The following ZSWIM9 variants were observed in gnomAD, a reference collection of about 807,000 sequenced individuals.
ZSWIM9 encodes the protein uncharacterized protein ZSWIM9.
ZSWIM9 carries 11 observed loss-of-function variants against 25.0 expected under a neutral mutation model. The observed-to-expected ratio is 0.44, with a 90% CI of 0.28 to 0.73. ZSWIM9 has a LOEUF of 0.73. Ranked by LOEUF, ZSWIM9 falls within the 30% of genes least tolerant of loss-of-function variation. The pLI, the probability that ZSWIM9 is intolerant of heterozygous loss-of-function variation, is 0.16. For synonymous variants in ZSWIM9, 562 were observed against 582.1 expected (o/e 0.97, Z 0.50); for missense variants, 1,070 against 1,296.5 (o/e 0.83, Z 2.68).
chr19:48,192,972 A>C (rs960173449), intron 3 of ZSWIM9: 1 of 155,132 alleles, frequency 6.4e-6, no homozygotes, highest in Non-Finnish European at 1.5e-5. Flanking sequence ...TCTCCCAGCA[A>C]TGACATGTGA....
chr19:48,179,320 C>T (rs531091813), intron 2 of ZSWIM9, among the ~76,000 whole-genome samples: 11 of 152,090 alleles, frequency 7.2e-5, no homozygotes, highest in Admixed American at 3.3e-4. Context: ...TGCCACAATG[C>T]CTGACTACTT....
rs539603749 is a variant in ZSWIM9 at position 48,172,218 on chromosome 19, A to G, written c.275+141A>G. 5.6e-4 allele frequency: 410 copies of G among 731,290 alleles called. 2 individuals are homozygous for G. Among genetic ancestry groups the G allele is most frequent in the Non-Finnish European group, 7.9e-4 (362 of 455,502 alleles). 45.3% of individuals were successfully genotyped at this position (731,290 alleles called of 1,614,324 possible). A position where few individuals can be genotyped will look rare whatever the true frequency, so the allele number is the denominator to read the frequency against. On this transcript the variant is annotated intron_variant, in intron 2 of 3. Coordinates refer to ENST00000614654, the MANE Select transcript of ZSWIM9 (RefSeq NM_199341.4). ...TGAGGCAGCCAAATACACCTTGCAG[A>G]GAGGCGGGAGTCAAGGAGGGACATG...
rs2036957568 is a variant in ZSWIM9 at position 48,182,430 on chromosome 19, A to G, written c.276-25A>G. On this transcript the variant is annotated intron_variant, in intron 2 of 3. Transcript: ENST00000614654. This position sits in a 1 kb window ranked among gnomAD's most constrained non-coding sequence, Gnocchi z 4.6. Reference sequence around the variant, plus strand: ...AAGAGGGCAGCAGAGTGATGTGACCAGGGCGGTGGTGGTTCCTCCCACAGG... The same window carrying G: ...AAGAGGGCAGCAGAGTGATGTGACCGGGGCGGTGGTGGTTCCTCCCACAGG... 1 of 1,513,664 alleles carries G rather than the reference A, an allele frequency of 6.6e-7. No individual in the cohort carries two copies. The highest frequency in any genetic ancestry group is 8.8e-7 in the Non-Finnish European group (1 of 1,132,094). The allele number at this position is 1,513,664 out of a possible 1,614,324, so 93.8% of individuals were successfully genotyped here. A position where few individuals can be genotyped will look rare whatever the true frequency, so the allele number is the denominator to read the frequency against.
Position 48,197,446 on chromosome 19 carries a change from C to A in ZSWIM9, c.*619C>A, listed in dbSNP as rs73576194. 1.9e-3 allele frequency: 1,178 copies of A among 606,448 alleles called. 13 individuals carry two copies. Among genetic ancestry groups the A allele is most frequent in the African/African-American group, 0.019 (1,023 of 53,948 alleles). The allele number at this position is 606,448 out of a possible 1,614,324, so 37.6% of individuals were successfully genotyped here. On this transcript the variant is annotated 3_prime_UTR_variant, in exon 4 of 4. Transcript: ENST00000614654. ...GAAATGTGTGGGAGACGGGTAGAGA[C>A]GAAATGCAAGGGGCGTGGTTTTGGT...
chr19:48,178,867 C>T (rs761280723), intron 2 of ZSWIM9, among the ~76,000 whole-genome samples: 1 of 152,184 alleles, frequency 6.6e-6, no homozygotes, highest in Non-Finnish European at 1.5e-5. Context: ...AGCCACCACG[C>T]CCAGCCTGTA....
chr19:48,197,329 A>G lies in ZSWIM9; in HGVS notation c.*502A>G, dbSNP rs1475960605. 2.9e-6 allele frequency: 2 copies of G among 701,240 alleles called. No individual in the cohort carries two copies. Among genetic ancestry groups the G allele is most frequent in the Admixed American group, 2.0e-5 (1 of 49,866 alleles). The allele number at this position is 701,240 out of a possible 1,614,324, so 43.4% of individuals were successfully genotyped here. A position where few individuals can be genotyped will look rare whatever the true frequency, so the allele number is the denominator to read the frequency against. On this transcript the variant is annotated 3_prime_UTR_variant, in exon 4 of 4. Transcript: ENST00000614654. ...TGGAGGAGAGAGGACAAGCAAAGAG[A>G]CAGAAATGAAGACATGAGGAAAAGC...
Position 48,196,983 on chromosome 19 carries a change from G to A in ZSWIM9, c.*156G>A. The A allele has an allele frequency of 1.4e-6, 1 of 704,300 alleles. No homozygotes were observed. Among genetic ancestry groups the A allele is most frequent in the Non-Finnish European group, 2.1e-6 (1 of 478,854 alleles). The allele number at this position is 704,300 out of a possible 1,614,324, so 43.6% of individuals were successfully genotyped here. On this transcript the variant is annotated 3_prime_UTR_variant, in exon 4 of 4. Coordinates refer to ENST00000614654, the MANE Select transcript of ZSWIM9 (RefSeq NM_199341.4). The stretch of plus-strand genomic sequence containing the variant: ...CTCCTCATGGCAGTTTGCCTCTCTG[G>A]GTCCAAGGGCAAGCTGTAAGTGGTC...
At position 48,195,644 on chromosome 19, in the gene ZSWIM9, G is replaced by T; in HGVS notation, c.1580G>T (p.Arg527Leu). The T allele has an allele frequency of 7.0e-7, 1 of 1,422,398 alleles. No homozygotes were observed. The highest frequency in any genetic ancestry group is 9.1e-7 in the Non-Finnish European group (1 of 1,094,954). 88.1% of individuals were successfully genotyped at this position (1,422,398 alleles called of 1,614,324 possible). Residue 527 changes from arginine (R) to leucine (L), a missense_variant, in exon 4 of 4, where the codon CGG (arginine) becomes CTG (leucine). Arg to Leu is a moderately radical substitution (Grantham distance 102). This residue lies in a region of ZSWIM9 where 583 missense variants were observed against 624.7 expected (regional missense o/e 0.93). Transcript: ENST00000614654. This position sits in a 1 kb window ranked among gnomAD's most constrained non-coding sequence, Gnocchi z 5.8. ...ALQIRDWRGGRLENQKPRGLE... is the reference protein window; with the variant it reads ...ALQIRDWRGGLLENQKPRGLE... ...CAGATCAGAGATTGGAGAGGGGGTCGGTTGGAGAATCAGAAGCCGAGGGGA... is the reference window on the plus strand; with the variant it reads ...CAGATCAGAGATTGGAGAGGGGGTCTGTTGGAGAATCAGAAGCCGAGGGGA...
chr19:48,194,796 G>T lies in ZSWIM9; in HGVS notation c.732G>T (p.Leu244=), dbSNP rs973855998. 6.5e-7 allele frequency: 1 copy of T among 1,530,612 alleles called. No homozygotes were observed. The highest frequency in any genetic ancestry group is 1.4e-5 in the African/African-American group (1 of 72,720). The allele number at this position is 1,530,612 out of a possible 1,614,324, so 94.8% of individuals were successfully genotyped here. A position where few individuals can be genotyped will look rare whatever the true frequency, so the allele number is the denominator to read the frequency against. ...LPGLQGALDL[L]AVLCVDGSGR... ...GGCTGCAGGGCGCGCTGGATCTGCTGGCCGTGCTGTGCGTGGACGGCTCGG... is the reference window on the plus strand; with the variant it reads ...GGCTGCAGGGCGCGCTGGATCTGCTTGCCGTGCTGTGCGTGGACGGCTCGG... Residue 244 remains leucine (L), a synonymous_variant, in exon 4 of 4, where the codon CTG becomes CTT. Coordinates refer to ENST00000614654, the MANE Select transcript of ZSWIM9 (RefSeq NM_199341.4). This position sits in a 1 kb window ranked among gnomAD's most constrained non-coding sequence, Gnocchi z 6.0.
intron 2 of ZSWIM9, chr19:48,181,319 AC>A (rs915483142): frequency 1.3e-5 from 2 of 152,182 alleles, no homozygotes; most frequent in African/African-American, 4.8e-5. Flanking sequence ...ATAGAGGTTA[AC>A]TTTGCCTGCT....
In ZSWIM9 at chr19:48,194,909, C is replaced by T; in HGVS notation, c.845C>T (p.Ala282Val). The part of the protein sequence containing the change: ...RFALASLLQS[A>V]PDVKGRVRCL... ...GCGCTCGCGTCGCTGCTGCAGAGCGCGCCAGACGTCAAGGGCCGCGTGCGC... is the reference window on the plus strand; with the variant it reads ...GCGCTCGCGTCGCTGCTGCAGAGCGTGCCAGACGTCAAGGGCCGCGTGCGC... The change falls in exon 4 of 4, where the codon GCG becomes GTG. Residue 282 changes from alanine (A) to valine (V), a missense_variant. Ala to Val is a moderately conservative substitution (Grantham distance 64). Coordinates refer to ENST00000614654, the MANE Select transcript of ZSWIM9 (RefSeq NM_199341.4). The surrounding 1 kb of genome is among the most constrained non-coding windows in gnomAD (Gnocchi z 6.0). 7.6e-7 allele frequency: 1 copy of T among 1,313,792 alleles called. No individual in the cohort carries two copies. Among genetic ancestry groups the T allele is most frequent in the Non-Finnish European group, 9.7e-7 (1 of 1,034,154 alleles). 81.4% of individuals were successfully genotyped at this position (1,313,792 alleles called of 1,614,324 possible).
chr19:48,197,237 G>A lies in ZSWIM9; in HGVS notation c.*410G>A. 2 of 702,530 alleles carry A rather than the reference G, an allele frequency of 2.8e-6. No individual in the cohort carries two copies. Among genetic ancestry groups the A allele is most frequent in the South Asian group, 1.5e-5 (1 of 67,542 alleles). The allele number at this position is 702,530 out of a possible 1,614,324, so 43.5% of individuals were successfully genotyped here. The stretch of plus-strand genomic sequence containing the variant: ...GAGTGCAGCGGGGAGAGGGGAAAGG[G>A]AGAAAGTACAGAAGACAGATGAAGG... On this transcript the variant is annotated 3_prime_UTR_variant, in exon 4 of 4. Transcript: ENST00000614654.
At chr19:48,173,948 G>A (rs1006287720) in intron 2 of ZSWIM9, among the ~76,000 whole-genome samples, 16 of 152,114 alleles carry the variant, frequency 1.1e-4, no homozygotes, top group African/African-American at 3.9e-4. Flanking sequence ...TTTAAACAGG[G>A]GTTGTTCCCC....
intron 3 of ZSWIM9, among the ~76,000 whole-genome samples, chr19:48,188,882 T>G (rs1196468499): frequency 2.0e-5 from 3 of 151,510 alleles, no homozygotes; most frequent in African/African-American, 7.3e-5. Context: ...ATACAAAAAA[T>G]TAGCCAGGTG....
chr19:48,171,408 G>C (rs2036805621), intron 1 of ZSWIM9: 4 of 984,382 alleles, frequency 4.1e-6, no homozygotes, highest in Non-Finnish European at 4.8e-6. Flanking sequence ...GAGAGACACA[G>C]CTGGAAGGGG....
chr19:48,172,132 G>GGT, intron 2 of ZSWIM9, 55 bp downstream of exon 2: 1 of 1,110,892 alleles, frequency 9.0e-7, no homozygotes, highest in Non-Finnish European at 1.3e-6. Context: ...CCGGGGGTGG[G>GGT]TGTGGGTGGG....
chr19:48,196,251 G>A lies in ZSWIM9; in HGVS notation c.2187G>A (p.Glu729=), dbSNP rs1237140851. The change falls in exon 4 of 4, where the codon GAG becomes GAA. Residue 729 remains glutamate, a synonymous_variant. Coordinates refer to ENST00000614654, the MANE Select transcript of ZSWIM9 (RefSeq NM_199341.4). ...GAGACACGAGGGTCACAGGCATGGA[G>A]AATGGAGATGGAGGGGGAGCCCGGT... The part of the protein sequence containing the change: ...QLGDTRVTGM[E]NGDGGGARSV... The A allele has an allele frequency of 6.5e-6, 8 of 1,233,672 alleles. No individual in the cohort carries two copies. Among genetic ancestry groups the A allele is most frequent in the Non-Finnish European group, 7.1e-6 (7 of 989,214 alleles). 76.4% of individuals were successfully genotyped at this position (1,233,672 alleles called of 1,614,324 possible).
chr19:48,190,199 A>G (rs1484553469), intron 3 of ZSWIM9, among the ~76,000 whole-genome samples: 2 of 123,796 alleles, frequency 1.6e-5, no homozygotes, highest in African/African-American at 5.4e-5. Flanking sequence ...TTGAGACTCC[A>G]TCTCAAAAAA....
In ZSWIM9 at chr19:48,194,792, T is replaced by G; in HGVS notation, c.728T>G (p.Leu243Arg). Residue 243 changes from leucine to arginine, a missense_variant, in exon 4 of 4, where the codon CTG (leucine) becomes CGG (arginine). Leu to Arg is a moderately radical substitution (Grantham distance 102). This residue lies in a region of ZSWIM9 where 38 missense variants were observed against 89.7 expected (regional missense o/e 0.42). Transcript: ENST00000614654. The surrounding 1 kb of genome is among the most constrained non-coding windows in gnomAD (Gnocchi z 6.0). The stretch of plus-strand genomic sequence containing the variant: ...CCGGGGCTGCAGGGCGCGCTGGATC[T>G]GCTGGCCGTGCTGTGCGTGGACGGC... ...RLPGLQGALD[L>R]LAVLCVDGSG... 6.5e-7 allele frequency: 1 copy of G among 1,530,742 alleles called. No individual in the cohort carries two copies. The highest frequency in any genetic ancestry group is 8.7e-7 in the Non-Finnish European group (1 of 1,144,482). 94.8% of individuals were successfully genotyped at this position (1,530,742 alleles called of 1,614,324 possible).
Sources: allele counts gnomAD v4.1 joint callset (sites outside exome capture counted in the v4.1 genomes callset), GRCh38; gene constraint gnomAD v4.1.1; regional missense constraint gnomAD v4.1.1; non-coding constraint Gnocchi (gnomAD v3.1); transcripts MANE v1.5; gene names NCBI Gene and HGNC (gene_info 2026-07-23, HGNC 2026-07-21).